Variants in TMEM131 observed in about 807,000 individuals in gnomAD.
TMEM131 encodes 2610524E03Rik.
A neutral mutation model predicts 211.6 loss-of-function variants in TMEM131; 66 were observed. The observed-to-expected ratio is 0.31, with a 90% CI of 0.26 to 0.38. The LOEUF (loss-of-function observed/expected upper bound fraction) is 0.38, where lower values mean the gene tolerates loss of function less well. Ranked by LOEUF, TMEM131 falls within the 10% of genes least tolerant of loss-of-function variation. TMEM131 has a pLI of 1.00. For synonymous variants in TMEM131, 844 were observed against 841.3 expected (o/e 1.00, Z -0.06); for missense variants, 2,036 against 2,299.3 (o/e 0.89, Z 2.34).
At chr2:97,782,366 C>CA (rs1680051816) in intron 31 of TMEM131, among the ~76,000 whole-genome samples, 1 of 152,216 alleles carries the variant, frequency 6.6e-6, no homozygotes, top group Non-Finnish European at 1.5e-5. Flanking sequence ...CCAGAGCAGT[C>CA]AGAGAAAGCC....
intron 31 of TMEM131, among the ~76,000 whole-genome samples, chr2:97,785,160 A>T (rs1680189583): frequency 6.6e-6 from 1 of 152,194 alleles, no homozygotes; most frequent in African/African-American, 2.4e-5. Flanking sequence ...GTGAACTCCA[A>T]ACTAAGTTTC....
chr2:97,817,063 CTGT>C (rs758640048), intron 12 of TMEM131, among the ~76,000 whole-genome samples: 7 of 152,280 alleles, frequency 4.6e-5, no homozygotes, highest in Non-Finnish European at 7.4e-5. Context: ...TTTCCCTTTG[CTGT>C]TGTTATTTAA....
intron 5 of TMEM131, among the ~76,000 whole-genome samples, chr2:97,857,332 C>T (rs1673889204): frequency 6.6e-6 from 1 of 152,186 alleles, no homozygotes; most frequent in South Asian, 2.1e-4. Flanking sequence ...GACACCCCCA[C>T]ATCCCACTTG....
intron 1 of TMEM131, among the ~76,000 whole-genome samples, chr2:97,975,634 C>G (rs1679496465): frequency 1.3e-5 from 2 of 151,920 alleles, no homozygotes; most frequent in African/African-American, 4.8e-5. Flanking sequence ...TTAAAAAAAT[C>G]CCCATAAAGT....
At chr2:97,799,391 T>C (rs1299136051) in intron 25 of TMEM131, among the ~76,000 whole-genome samples, 1 of 152,242 alleles carries the variant, frequency 6.6e-6, no homozygotes, top group African/African-American at 2.4e-5. Flanking sequence ...CCATGTTGTT[T>C]TGAAAAGCTG....
At chr2:97,800,476 A>C (rs1403551848) in intron 25 of TMEM131, among the ~76,000 whole-genome samples, 1 of 152,068 alleles carries the variant, frequency 6.6e-6, no homozygotes, top group African/African-American at 2.4e-5. Context: ...TGGGCCGGGC[A>C]CTGTGGCTCA....
intron 4 of TMEM131, 64 bp from the exon 5 acceptor site, chr2:97,859,491 TA>T (rs1343361477): frequency 2.2e-6 from 3 of 1,366,198 alleles, no homozygotes; most frequent in East Asian, 2.7e-5. Flanking sequence ...TTCTAGTTGT[TA>T]AAAAATTAAT....
At chr2:97,908,108 T>G (rs1426139302) in intron 3 of TMEM131, among the ~76,000 whole-genome samples, 1 of 152,116 alleles carries the variant, frequency 6.6e-6, no homozygotes, top group Non-Finnish European at 1.5e-5. Flanking sequence ...TGTGAGAAGG[T>G]ATCAAAAGAC....
At chr2:97,830,147 A>AAAAAAC (rs1363800423) in intron 11 of TMEM131, among the ~76,000 whole-genome samples, 4 of 150,572 alleles carry the variant, frequency 2.7e-5, no homozygotes, top group African/African-American at 9.7e-5. Flanking sequence ...AAAAAAAAAA[A>AAAAAAC]AAAAAAAAAC....
At chr2:97,833,962 C>T (rs1317189953) in intron 10 of TMEM131, among the ~76,000 whole-genome samples, 4 of 152,074 alleles carry the variant, frequency 2.6e-5, no homozygotes, top group Admixed American at 2.6e-4. Flanking sequence ...CATGCCCAGC[C>T]CCCCAAATAT....
intron 11 of TMEM131, chr2:97,827,315 G>A (rs2105034139): frequency 1.3e-6 from 1 of 788,610 alleles, no homozygotes; most frequent in Middle Eastern, 2.3e-4. Context: ...AGATCGGCGC[G>A]GTTGTCAGCT....
chr2:97,893,594 TG>T (rs1425617029), intron 3 of TMEM131, among the ~76,000 whole-genome samples: 5 of 152,206 alleles, frequency 3.3e-5, no homozygotes, highest in Non-Finnish European at 7.3e-5. Context: ...CTAACTGGCG[TG>T]AGATGGTATC....
chr2:97,872,284 G>C (rs1674520187), intron 4 of TMEM131, among the ~76,000 whole-genome samples: 1 of 152,092 alleles, frequency 6.6e-6, no homozygotes, highest in South Asian at 2.1e-4. Context: ...CCATGAGTTA[G>C]AAAGACTCTA....
chr2:97,757,260 G>T lies in TMEM131; in HGVS notation c.5491C>A (p.Leu1831Ile). Residue 1831 changes from leucine (L) to isoleucine (I), a missense_variant, in exon 41 of 41, where the codon CTC becomes ATC. Coordinates refer to ENST00000186436, the MANE Select transcript of TMEM131 (RefSeq NM_015348.2). Reference protein sequence around the residue: ...TPANTLASIGLMGTENSPAPH... With the variant: ...TPANTLASIGIMGTENSPAPH... ...GCAGGGGAGTTTTCTGTGCCCATGA[G>T]GCCGATGCTTGCCAGCGTGTTTGCT... The T allele has an allele frequency of 6.2e-7, 1 of 1,613,984 alleles. No individual in the cohort carries two copies. The highest frequency in any genetic ancestry group is 1.3e-5 in the African/African-American group (1 of 75,048).
intron 11 of TMEM131, among the ~76,000 whole-genome samples, chr2:97,819,912 T>TC (rs1682029996): frequency 6.6e-6 from 1 of 152,234 alleles, no homozygotes; most frequent in South Asian, 2.1e-4. Flanking sequence ...CAAAGGGCAG[T>TC]CTCTTGAAGG....
At chr2:97,921,309 C>A (rs1386685334) in intron 2 of TMEM131, among the ~76,000 whole-genome samples, 2 of 152,056 alleles carry the variant, frequency 1.3e-5, no homozygotes, top group Non-Finnish European at 2.9e-5. Flanking sequence ...CAATCAAATA[C>A]AAGAAATAAA....
intron 11 of TMEM131, among the ~76,000 whole-genome samples, chr2:97,828,363 A>T (rs1309048080): frequency 6.6e-6 from 1 of 152,190 alleles, no homozygotes; most frequent in African/African-American, 2.4e-5. Context: ...AAAAAGTGTA[A>T]CATATATTAT....
At chr2:97,760,536 C>A in intron 38 of TMEM131, 57 bp downstream of exon 38, 2 of 1,509,272 alleles carry the variant, frequency 1.3e-6, no homozygotes, top group Non-Finnish European at 1.8e-6. Flanking sequence ...TAAAAAGGTG[C>A]TAACCCGACT....
chr2:97,870,395 C>A (rs1674442805), intron 4 of TMEM131, among the ~76,000 whole-genome samples: 1 of 152,068 alleles, frequency 6.6e-6, no homozygotes, highest in Non-Finnish European at 1.5e-5. Context: ...CAAATGCCTG[C>A]CAGTGCTGGT....
Sources: allele counts gnomAD v4.1 joint callset (sites outside exome capture counted in the v4.1 genomes callset), GRCh38; gene constraint gnomAD v4.1.1; transcripts MANE v1.5; gene names NCBI Gene and HGNC (gene_info 2026-07-23, HGNC 2026-07-21).